CCNJL: variants seen among roughly 807,000 people sequenced by gnomAD.
CCNJL encodes cyclin J like.
Under a neutral mutation model 33.4 loss-of-function variants are expected in CCNJL, and 33 were observed. That is an observed-to-expected ratio of 0.99 (90% CI 0.75 to 1.32). The LOEUF (loss-of-function observed/expected upper bound fraction) is 1.32. Ranked by LOEUF, CCNJL falls within the 40% of genes most tolerant of loss-of-function variation. The pLI is 0.00. For synonymous variants in CCNJL, 227 were observed against 220.9 expected (o/e 1.03, Z -0.24); for missense variants, 512 against 499.7 (o/e 1.02, Z -0.23).
intron 1 of CCNJL, among the ~76,000 whole-genome samples, chr5:160,324,632 T>C (rs904580911): frequency 3.4e-5 from 5 of 148,958 alleles, no homozygotes; most frequent in African/African-American, 1.2e-4. Flanking sequence ...TGTCTGTCTA[T>C]CTATCTATCT....
At chr5:160,299,836 ATTTT>A (rs5872638) in intron 2 of CCNJL, among the ~76,000 whole-genome samples, 6 of 144,480 alleles carry the variant, frequency 4.2e-5, no homozygotes, top group Non-Finnish European at 7.6e-5. Context: ...AATTGCTTGG[ATTTT>A]TTTTTTTTTT....
At chr5:160,328,827 C>T (rs1763571135) in intron 1 of CCNJL, among the ~76,000 whole-genome samples, 1 of 151,470 alleles carries the variant, frequency 6.6e-6, no homozygotes, top group South Asian at 2.1e-4. Flanking sequence ...TTGCAGTGAG[C>T]CAAGAGCACG....
At chr5:160,327,347 C>T (rs769061270) in intron 1 of CCNJL, among the ~76,000 whole-genome samples, 2 of 152,224 alleles carry the variant, frequency 1.3e-5, no homozygotes, top group Non-Finnish European at 2.9e-5. Context: ...GTGAGCAAAA[C>T]AGCCACATTT....
chr5:160,249,745 A>G lies in CCNJL; in HGVS notation c.*3633T>C, dbSNP rs1656419931. ...GCCACTGCACTCTAGCCTGGGCCAC[A>G]GAGTGAGACCCTGTTTCAAAAAATA... On this transcript the variant is annotated 3_prime_UTR_variant, in exon 6 of 6. Coordinates refer to ENST00000257536, the MANE Select transcript of CCNJL (RefSeq NM_001308173.3). 1 of 151,842 alleles carries G rather than the reference A, an allele frequency of 6.6e-6. No homozygotes were observed. The highest frequency in any genetic ancestry group is 2.1e-4 in the South Asian group (1 of 4,812). 9.4% of individuals were successfully genotyped at this position (151,842 alleles called of 1,614,324 possible).
intron 1 of CCNJL, among the ~76,000 whole-genome samples, chr5:160,337,080 T>C (rs921805520): frequency 4.8e-5 from 7 of 146,216 alleles, no homozygotes; most frequent in African/African-American, 1.8e-4. Flanking sequence ...CATGGACTAC[T>C]GCAGCCTCTG....
At chr5:160,291,735 G>C (rs1032134077) in intron 2 of CCNJL, among the ~76,000 whole-genome samples, 1 of 152,228 alleles carries the variant, frequency 6.6e-6, no homozygotes, top group Non-Finnish European at 1.5e-5. Flanking sequence ...TTCACCTGCA[G>C]AAACGCCCTA....
intron 1 of CCNJL, among the ~76,000 whole-genome samples, chr5:160,318,309 G>A (rs528397297): frequency 1.8e-4 from 27 of 152,248 alleles, no homozygotes; most frequent in Non-Finnish European, 3.7e-4. Context: ...GAGCCACCAC[G>A]CCGGGCCATG....
Position 160,280,617 on chromosome 5 carries a change from G to A in CCNJL, c.188C>T (p.Ala63Val). ...CQLCPAARHL[A>V]VYLLDHFMDR... Reference sequence around the variant, plus strand: ...CATGAAGTGGTCCAGCAGGTAGACGGCCAGGTGCCGGGCTGCAGGGCAGAG... The same window carrying A: ...CATGAAGTGGTCCAGCAGGTAGACGACCAGGTGCCGGGCTGCAGGGCAGAG... The change falls in exon 3 of 6, where the codon GCC becomes GTC. Residue 63 changes from alanine to valine, a missense_variant. Ala to Val is a moderately conservative substitution (Grantham distance 64, BLOSUM62 0). Transcript: ENST00000257536. 1 of 1,613,640 alleles carries A rather than the reference G, an allele frequency of 6.2e-7. No homozygotes were observed. The highest frequency in any genetic ancestry group is 1.1e-5 in the South Asian group (1 of 91,082).
intron 2 of CCNJL, among the ~76,000 whole-genome samples, chr5:160,307,695 A>C (rs1763134485): frequency 6.6e-6 from 1 of 152,026 alleles, no homozygotes; most frequent in Admixed American, 6.6e-5. Context: ...GCAGGCAAGA[A>C]ACCCCACATC....
chr5:160,310,440 C>CA (rs540791611), intron 2 of CCNJL, among the ~76,000 whole-genome samples: 89 of 152,284 alleles, frequency 5.8e-4, no homozygotes, highest in African/African-American at 2.1e-3. Context: ...ATTAATTGGA[C>CA]AGGAAGACAG....
intron 4 of CCNJL, chr5:160,258,255 G>T: frequency 1.5e-6 from 1 of 684,852 alleles, no homozygotes; most frequent in Non-Finnish European, 2.6e-6. Flanking sequence ...TGGTCAAAAT[G>T]GCTGGCAAGA....
intron 3 of CCNJL, among the ~76,000 whole-genome samples, chr5:160,267,911 G>C (rs950133917): frequency 1.3e-5 from 2 of 152,092 alleles, no homozygotes; most frequent in Non-Finnish European, 2.9e-5. Flanking sequence ...ACGCTACTTA[G>C]CAATTTAATT....
At chr5:160,278,153 T>A (rs946995451) in intron 3 of CCNJL, among the ~76,000 whole-genome samples, 8 of 152,162 alleles carry the variant, frequency 5.3e-5, no homozygotes, top group African/African-American at 1.7e-4. Flanking sequence ...GTTATCCGAC[T>A]GGCCTGGCTA....
Position 160,253,086 on chromosome 5 carries a change from T to C in CCNJL, c.*292A>G, listed in dbSNP as rs1310670010. 4 of 328,176 alleles carry C rather than the reference T, an allele frequency of 1.2e-5. No homozygotes were observed. The East Asian group carries it at 2.1e-4, about 17-fold the overall frequency. 20.3% of individuals were successfully genotyped at this position (328,176 alleles called of 1,614,324 possible). ...TCCAGTTCCCACTCTCCTGGCCTCT[T>C]ATCAAGTCTTTCTCGATTCACTGGG... is the stretch of plus-strand genomic sequence containing the variant. On this transcript the variant is annotated 3_prime_UTR_variant, in exon 6 of 6. Coordinates refer to ENST00000257536, the MANE Select transcript of CCNJL (RefSeq NM_001308173.3).
At chr5:160,258,672 G>C (rs141624672) in intron 4 of CCNJL, 17,801 of 841,816 alleles carry the variant, frequency 0.021, 289 homozygotes, top group Middle Eastern at 0.058. Context: ...GTCTGCAGCT[G>C]TTTTACTTTA....
chr5:160,259,890 C>G (rs1761246253), intron 3 of CCNJL, 119 bp from the exon 4 acceptor site: 3 of 812,266 alleles, frequency 3.7e-6, no homozygotes, highest in Non-Finnish European at 6.0e-6. Context: ...AGCAGACAGG[C>G]CAGACTGCGG....
At chr5:160,311,790 A>G in intron 2 of CCNJL, 68 bp downstream of exon 2, 1 of 1,470,026 alleles carries the variant, frequency 6.8e-7, no homozygotes, top group Non-Finnish European at 9.5e-7. Flanking sequence ...GCGACCTGAG[A>G]ACACGAAGTC....
At chr5:160,313,720 G>A (rs1468301587), upstream of CCNJL, among the ~76,000 whole-genome samples, 3 of 152,200 alleles carry the variant, frequency 2.0e-5, no homozygotes, top group East Asian at 5.8e-4. Flanking sequence ...AGGCTTGAAG[G>A]AATAGAGGCA....
chr5:160,279,094 C>T (rs1223196320), intron 3 of CCNJL, among the ~76,000 whole-genome samples: 1 of 152,164 alleles, frequency 6.6e-6, no homozygotes, highest in African/African-American at 2.4e-5. Context: ...ATTCTGAAAA[C>T]TCTAAATCTG....
Sources: allele counts gnomAD v4.1 joint callset (sites outside exome capture counted in the v4.1 genomes callset), GRCh38; gene constraint gnomAD v4.1.1; transcripts MANE v1.5; gene names NCBI Gene and HGNC (gene_info 2026-07-23, HGNC 2026-07-21).